The following OCRL variants were observed in gnomAD, a reference collection of about 807,000 sequenced individuals.
OCRL encodes OCRL inositol polyphosphate-5-phosphatase.
In OCRL, 8 loss-of-function variants were observed where a neutral mutation model predicts 78.9. The ratio of observed to expected loss-of-function variants is 0.10; its 90% confidence interval spans 0.06 to 0.18. OCRL has a LOEUF of 0.18. OCRL is among the 10% of genes least tolerant of loss of function. OCRL has a pLI of 1.00. For synonymous variants in OCRL, 240 were observed against 235.4 expected, an observed-to-expected ratio of 1.02 and a Z score of -0.18; for missense variants, 454 against 696.7, an observed-to-expected ratio of 0.65 and a Z score of 3.92.
intron 21 of OCRL, 88 bp downstream of exon 21, chrX:129,588,351 A>G: frequency 1.5e-6 from 1 of 654,701 alleles, no homozygotes; most frequent in Non-Finnish European, 2.5e-6. Context: ...GTGGTTCTAT[A>G]TTTATTTTCT....
chrX:129,575,388 C>T (rs951104010), intron 16 of OCRL, 138 bp downstream of exon 16: 34 of 452,526 alleles, frequency 7.5e-5, no homozygotes, highest in African/African-American at 7.3e-4. Context: ...CCAGTTGTAG[C>T]ACGGCTGTTT....
Position 129,590,137 on chromosome X carries a change from G to A in OCRL, c.2582-9G>A, listed in dbSNP as rs2071705. The A allele has an allele frequency of 4.0e-4, 479 of 1,209,646 alleles. 3 individuals are homozygous for A. In the East Asian group the frequency reaches 0.014, roughly 35 times the overall value. Reference sequence around the variant, plus strand: ...AGAAGTTTCCGCTTGTCTTTCTCTCGTCTTGTAGCTACTCTCTTCACTAGT... The same window carrying A: ...AGAAGTTTCCGCTTGTCTTTCTCTCATCTTGTAGCTACTCTCTTCACTAGT... On this transcript the variant is annotated splice_polypyrimidine_tract_variant and intron_variant, in intron 23 of 23. Coordinates refer to ENST00000371113, the MANE Select transcript of OCRL (RefSeq NM_000276.4).
At position 129,588,929 on chromosome X, in the gene OCRL, G is replaced by A; in HGVS notation, c.2385G>A (p.Leu795=). The part of the protein sequence containing the change: ...HSVAEALLIF[L]EALPEPVICY... ...TGGCTGAAGCACTGCTCATTTTCTT[G>A]GAAGCCCTGCCAGAGCCAGTCATCT... Residue 795 remains leucine (L), a synonymous_variant, in exon 22 of 24, where the codon TTG becomes TTA. Transcript: ENST00000371113. The A allele has an allele frequency of 2.5e-6, 3 of 1,211,445 alleles. No homozygotes were observed. Among genetic ancestry groups the A allele is most frequent in the Non-Finnish European group, 3.4e-6 (3 of 895,228 alleles).
chrX:129,554,948 A>AAAATAAAT (rs765929333), intron 4 of OCRL, among the ~76,000 whole-genome samples: 4,048 of 84,595 alleles, frequency 0.048, 120 homozygotes, highest in Non-Finnish European at 0.06. Flanking sequence ...ACTCCTTCTC[A>AAAATAAAT]AAATAAATAA....
chrX:129,545,423 A>G (rs113537924), intron 3 of OCRL, among the ~76,000 whole-genome samples: 6,756 of 112,263 alleles, frequency 0.06, 508 homozygotes, highest in African/African-American at 0.2. Flanking sequence ...CTTTCTCCAC[A>G]TGCTATTTGA....
intron 12 of OCRL, among the ~76,000 whole-genome samples, chrX:129,563,205 T>C (rs904249207): frequency 8.9e-5 from 10 of 111,950 alleles, no homozygotes; most frequent in African/African-American, 2.6e-4. Context: ...ATCTGTACTG[T>C]CCAATATGAC....
intron 15 of OCRL, among the ~76,000 whole-genome samples, chrX:129,572,594 C>T (rs1271758240): frequency 4.4e-5 from 5 of 112,691 alleles, no homozygotes; most frequent in African/African-American, 1.3e-4. Flanking sequence ...AACAAAGGAG[C>T]CAAGTGCACC....
intron 4 of OCRL, among the ~76,000 whole-genome samples, chrX:129,552,767 C>T (rs1481329990): frequency 8.9e-6 from 1 of 111,894 alleles, no homozygotes; most frequent in Non-Finnish European, 1.9e-5. Flanking sequence ...GATAAATTGG[C>T]AAGTGAATGT....
rs760604191 is a variant in OCRL at position 129,575,220 on chromosome X, C to T, written c.1683C>T (p.Phe561=). The T allele has an allele frequency of 8.3e-7, 1 of 1,200,067 alleles. No individual in the cohort carries two copies. Among genetic ancestry groups the T allele is most frequent in the African/African-American group, 1.7e-5 (1 of 57,544 alleles). Residue 561 remains phenylalanine, a synonymous_variant, in exon 16 of 24, where the codon TTC becomes TTT. Transcript: ENST00000371113. ...TCATGGACAGAATGGAAAATGACTTCCTTCCTTCCTTAGAACTCAGCAGGA... is the reference window on the plus strand; with the variant it reads ...TCATGGACAGAATGGAAAATGACTTTCTTCCTTCCTTAGAACTCAGCAGGA... The part of the protein sequence containing the change: ...VRIMDRMEND[F]LPSLELSRRE...
chrX:129,540,733 A>G lies in OCRL; in HGVS notation c.40-11A>G. 1 of 1,204,025 alleles carries G rather than the reference A, an allele frequency of 8.3e-7. No homozygotes were observed. The highest frequency in any genetic ancestry group is 3.0e-5 in the East Asian group (1 of 33,730). On this transcript the variant is annotated splice_polypyrimidine_tract_variant and intron_variant, in intron 1 of 23. Transcript: ENST00000371113. ...GCGCTTCCGAAGGAGACCCTTGACT[A>G]GCGCCCGCATACTGTCGAGGGTATG... is the stretch of plus-strand genomic sequence containing the variant.
At chrX:129,571,064 A>G (rs1172917946) in intron 15 of OCRL, among the ~76,000 whole-genome samples, 2 of 112,133 alleles carry the variant, frequency 1.8e-5, no homozygotes, top group African/African-American at 3.2e-5. Flanking sequence ...TGAGATTCCA[A>G]TCTTAAGTTG....
intron 4 of OCRL, among the ~76,000 whole-genome samples, chrX:129,552,193 G>A (rs1386155474): frequency 2.7e-5 from 3 of 111,760 alleles, no homozygotes; most frequent in Non-Finnish European, 5.6e-5. Flanking sequence ...GAGTGTGGTG[G>A]CATTAGTAAT....
At chrX:129,564,495 G>A (rs1295285324) in intron 12 of OCRL, among the ~76,000 whole-genome samples, 3 of 110,755 alleles carry the variant, frequency 2.7e-5, no homozygotes, top group African/African-American at 1.0e-4. Flanking sequence ...TGATAGACTG[G>A]ATTAAGAAAA....
chrX:129,563,532 GGTACTTGGT>G (rs1401105212), intron 12 of OCRL, among the ~76,000 whole-genome samples: 3 of 111,196 alleles, frequency 2.7e-5, no homozygotes, highest in Admixed American at 9.6e-5. Context: ...CACACACATA[GGTACTTGGT>G]GTATAAGACT....
At chrX:129,541,433 G>A (rs1206976198) in intron 2 of OCRL, among the ~76,000 whole-genome samples, 1 of 111,977 alleles carries the variant, frequency 8.9e-6, no homozygotes, top group Non-Finnish European at 1.9e-5. Flanking sequence ...GTAATGAAAT[G>A]TGTAGAGATA....
intron 2 of OCRL, among the ~76,000 whole-genome samples, chrX:129,541,647 C>T (rs1047706774): frequency 8.0e-5 from 9 of 112,334 alleles, no homozygotes; most frequent in Non-Finnish European, 1.3e-4. Flanking sequence ...GTGCCCAAGA[C>T]ACCTCACTTG....
In OCRL at chrX:129,590,221, G is replaced by A. The variant is rs897622079; in HGVS notation, c.2657G>A (p.Arg886His). Residue 886 changes from arginine to histidine, a missense_variant, in exon 24 of 24, where the codon CGT becomes CAT. By Grantham distance (29) the Arg-to-His change is conservative. Transcript: ENST00000371113. The stretch of plus-strand genomic sequence containing the variant: ...AGACAGACTCCAAGTGACCGCCAGC[G>A]TGCTATTCAGTTCCTTCTGGGCTTT... ...MARQTPSDRQ[R>H]AIQFLLGFLL... The A allele has an allele frequency of 4.1e-5, 49 of 1,209,488 alleles. No homozygotes were observed. Among genetic ancestry groups the A allele is most frequent in the South Asian group, 7.0e-5 (4 of 56,800 alleles).
At chrX:129,554,536 C>T (rs1936011273) in intron 4 of OCRL, 1 of 111,595 alleles carries the variant, frequency 9.0e-6, no homozygotes, top group African/African-American at 3.3e-5. Flanking sequence ...AATGGATGAG[C>T]CTCAAAGGAG....
intron 10 of OCRL, 111 bp downstream of exon 10, chrX:129,561,404 T>A (rs1004297451): frequency 1.1e-5 from 6 of 537,400 alleles, no homozygotes; most frequent in Admixed American, 5.2e-5. Context: ...AATTCTTCTC[T>A]GTGTGTAATA....
Sources: gnomAD v4.1 joint callset for allele counts (sites outside exome capture counted in the v4.1 genomes callset) on GRCh38, gnomAD v4.1.1 for gene constraint, MANE v1.5 for transcripts, NCBI Gene and HGNC (gene_info 2026-07-23, HGNC 2026-07-21) for gene names.